INPP4A: variants seen among roughly 807,000 people sequenced by gnomAD.
INPP4A encodes inositol polyphosphate-4-phosphatase type I A.
A neutral mutation model predicts 119.8 loss-of-function variants in INPP4A; 33 were observed. That is an observed-to-expected ratio of 0.28 (90% CI 0.21 to 0.37). INPP4A has a LOEUF of 0.37. Ranked by LOEUF, INPP4A falls within the 10% of genes least tolerant of loss-of-function variation. The probability of loss-of-function intolerance (pLI) is 1.00; values close to 1 mark genes in which losing one functional copy is unlikely to be tolerated. For synonymous variants in INPP4A, 496 were observed against 500.7 expected, an observed-to-expected ratio of 0.99 and a Z score of 0.12; for missense variants, 956 against 1,289.9, an observed-to-expected ratio of 0.74 and a Z score of 3.97.
intron 1 of INPP4A, among the ~76,000 whole-genome samples, chr2:98,516,004 C>T (rs1360198003): frequency 1.3e-5 from 2 of 152,154 alleles, no homozygotes; most frequent in African/African-American, 4.8e-5. Flanking sequence ...GTTATTGCTT[C>T]TTTTTTCTTG....
At chr2:98,474,765 A>T (rs939263385) in intron 1 of INPP4A, among the ~76,000 whole-genome samples, 6 of 152,172 alleles carry the variant, frequency 3.9e-5, no homozygotes, top group Admixed American at 6.5e-5. Context: ...GGTGTTTTTT[A>T]AAAAAATTCT....
intron 7 of INPP4A, 142 bp downstream of exon 7, chr2:98,536,350 T>C: frequency 1.6e-6 from 1 of 623,182 alleles, no homozygotes; most frequent in Non-Finnish European, 2.9e-6. Flanking sequence ...GTGTTGTCTA[T>C]TGAGGCGAAA....
At chr2:98,478,873 G>T (rs984682414) in intron 1 of INPP4A, among the ~76,000 whole-genome samples, 1 of 152,134 alleles carries the variant, frequency 6.6e-6, no homozygotes, top group African/African-American at 2.4e-5. Context: ...AAAGAGGTCC[G>T]GTTTTTTTGT....
At chr2:98,493,196 C>T (rs1681192879) in intron 1 of INPP4A, among the ~76,000 whole-genome samples, 1 of 152,002 alleles carries the variant, frequency 6.6e-6, no homozygotes, top group South Asian at 2.1e-4. Context: ...TCCCTGAGCC[C>T]TGTGTTTTTT....
intron 17 of INPP4A, among the ~76,000 whole-genome samples, chr2:98,562,895 C>T (rs1242680750): frequency 6.6e-6 from 1 of 152,132 alleles, no homozygotes; most frequent in Non-Finnish European, 1.5e-5. Flanking sequence ...TGGGGCCGTT[C>T]TGAGGGCTGA....
At chr2:98,502,550 G>A (rs1475931275) in intron 1 of INPP4A, among the ~76,000 whole-genome samples, 1 of 152,040 alleles carries the variant, frequency 6.6e-6, no homozygotes, top group Non-Finnish European at 1.5e-5. Context: ...CTTTGTGAGG[G>A]CCTTTGTTCT....
intron 1 of INPP4A, among the ~76,000 whole-genome samples, chr2:98,461,032 A>G (rs111924191): frequency 0.086 from 13,071 of 152,228 alleles, 809 homozygotes; most frequent in Non-Finnish European, 0.13. Flanking sequence ...AGCCGGTTCC[A>G]TCTTCTCCAT....
At chr2:98,561,692 T>C (rs913168342) in intron 17 of INPP4A, among the ~76,000 whole-genome samples, 2 of 152,236 alleles carry the variant, frequency 1.3e-5, no homozygotes, top group Non-Finnish European at 2.9e-5. Flanking sequence ...GTAAGACCAG[T>C]TGTATATTTT....
chr2:98,537,917 G>A lies in INPP4A; in HGVS notation c.522G>A (p.Glu174=), dbSNP rs1358559689. 1 of 1,613,316 alleles carries A rather than the reference G, an allele frequency of 6.2e-7. No homozygotes were observed. The highest frequency in any genetic ancestry group is 1.7e-5 in the Admixed American group (1 of 59,972). ...TCACCGTGATTGGCTGGCAGATGGAGGAGAAGTCAGACCAACGGCCCCCTG... is the reference window on the plus strand; with the variant it reads ...TCACCGTGATTGGCTGGCAGATGGAAGAGAAGTCAGACCAACGGCCCCCTG... ...GNITVIGWQM[E]EKSDQRPPVT... is the part of the protein sequence containing the mutation. The change falls in exon 8 of 25, where the codon GAG becomes GAA. Residue 174 remains glutamate (E), a synonymous_variant. Coordinates refer to ENST00000409851, the MANE Select transcript of INPP4A (RefSeq NM_001134225.2).
chr2:98,510,953 A>C (rs1685015386), intron 1 of INPP4A, among the ~76,000 whole-genome samples: 1 of 152,230 alleles, frequency 6.6e-6, no homozygotes, highest in Non-Finnish European at 1.5e-5. Flanking sequence ...AGATAAATGA[A>C]CATCTCCCAG....
chr2:98,566,114 G>A lies in INPP4A; in HGVS notation c.2365G>A (p.Val789Met). The stretch of plus-strand genomic sequence containing the variant: ...GATCCAGAGTGGCATGCTGCTGCGA[G>A]TGCAGCCCGTCCTCTTCAACGTGGG... ...REIQSGMLLR[V>M]QPVLFNVGIN... Residue 789 changes from valine to methionine, a missense_variant, in exon 21 of 25, where the codon GTG (valine) becomes ATG (methionine). Val to Met is a conservative substitution (Grantham distance 21). Around this residue, in one of 2 missense-constraint regions of INPP4A, gnomAD observed 304 missense variants for 492.1 expected, o/e 0.62. Coordinates refer to ENST00000409851, the MANE Select transcript of INPP4A (RefSeq NM_001134225.2). This position sits in a 1 kb window ranked among gnomAD's most constrained non-coding sequence, Gnocchi z 4.2. 1 of 1,599,198 alleles carries A rather than the reference G, an allele frequency of 6.3e-7. No individual in the cohort carries two copies. The highest frequency in any genetic ancestry group is 1.1e-5 in the South Asian group (1 of 88,138).
chr2:98,503,426 G>T (rs894183906), intron 1 of INPP4A, among the ~76,000 whole-genome samples: 3 of 152,216 alleles, frequency 2.0e-5, no homozygotes, highest in Non-Finnish European at 4.4e-5. Context: ...TCCTGAGTGA[G>T]TGCTTGTTGC....
At chr2:98,581,923 G>T in intron 24 of INPP4A, 1 of 1,120,594 alleles carries the variant, frequency 8.9e-7, no homozygotes, top group East Asian at 2.9e-5. Flanking sequence ...GTAAATATCT[G>T]CCAAATTATT....
At chr2:98,463,895 G>A (rs565227312) in intron 1 of INPP4A, among the ~76,000 whole-genome samples, 65 of 152,294 alleles carry the variant, frequency 4.3e-4, no homozygotes, top group Admixed American at 1.6e-3. Context: ...TGCTCGCTCC[G>A]TGCACAGCCC....
At chr2:98,467,048 C>T (rs1674931569) in intron 1 of INPP4A, among the ~76,000 whole-genome samples, 1 of 152,186 alleles carries the variant, frequency 6.6e-6, no homozygotes, top group Admixed American at 6.5e-5. Flanking sequence ...CTGGTGAGGC[C>T]TCAGGCTGCT....
chr2:98,526,582 A>G (rs1440635946), intron 4 of INPP4A, among the ~76,000 whole-genome samples: 9 of 152,248 alleles, frequency 5.9e-5, no homozygotes, highest in African/African-American at 1.7e-4. Flanking sequence ...GTCAAAATCA[A>G]TTGGTTCAGA....
intron 1 of INPP4A, among the ~76,000 whole-genome samples, chr2:98,445,598 A>G (rs190383604): frequency 3.7e-4 from 57 of 152,294 alleles, no homozygotes; most frequent in African/African-American, 1.2e-3. Context: ...TTGCTAGTCA[A>G]TTAATTGAGG....
intron 1 of INPP4A, among the ~76,000 whole-genome samples, chr2:98,454,518 G>C (rs1256261071): frequency 6.6e-6 from 1 of 152,118 alleles, no homozygotes; most frequent in African/African-American, 2.4e-5. Flanking sequence ...ATACATAGGA[G>C]AGGGCTGTGA....
rs374383009 is a variant in INPP4A at position 98,592,802 on chromosome 2, G to A, written c.*5194G>A. The A allele has an allele frequency of 6.6e-6, 1 of 152,286 alleles. No homozygotes were observed. The allele number at this position is 152,286 out of a possible 1,614,324, so 9.4% of individuals were successfully genotyped here. A position where few individuals can be genotyped will look rare whatever the true frequency, so the allele number is the denominator to read the frequency against. ...GGTACCAACCAGCACCGTGGACATCGGCCCCAGGATCAGTCTACGATTTGT... is the reference window on the plus strand; with the variant it reads ...GGTACCAACCAGCACCGTGGACATCAGCCCCAGGATCAGTCTACGATTTGT... On this transcript the variant is annotated 3_prime_UTR_variant, in exon 25 of 25. Coordinates refer to ENST00000409851, the MANE Select transcript of INPP4A (RefSeq NM_001134225.2).
Sources: gnomAD v4.1 joint callset for allele counts (sites outside exome capture counted in the v4.1 genomes callset) on GRCh38, gnomAD v4.1.1 for gene constraint, gnomAD v4.1.1 regional missense constraint, Gnocchi (gnomAD v3.1) non-coding constraint, MANE v1.5 for transcripts, NCBI Gene and HGNC (gene_info 2026-07-23, HGNC 2026-07-21) for gene names.